ZNF423: variants seen among roughly 807,000 people sequenced by gnomAD.
The protein encoded by ZNF423 is zinc finger protein 423.
ZNF423 carries 12 observed loss-of-function variants against 95.8 expected under a neutral mutation model. The ratio of observed to expected loss-of-function variants is 0.13; its 90% CI spans 0.08 to 0.20. The LOEUF is 0.20. ZNF423 is among the 10% of genes least tolerant of loss of function. The pLI is 1.00. For synonymous variants in ZNF423, 749 were observed against 711.9 expected (o/e 1.05, Z -0.83); for missense variants, 1,316 against 1,737.1 (o/e 0.76, Z 4.31).
chr16:49,756,689 A>G (rs912342334), intron 2 of ZNF423, among the ~76,000 whole-genome samples: 3 of 152,202 alleles, frequency 2.0e-5, no homozygotes, highest in African/African-American at 7.2e-5. Context: ...TCTCACCTGC[A>G]TGGAAAGGAG....
At chr16:49,685,890 C>A (rs1483813367) in intron 3 of ZNF423, among the ~76,000 whole-genome samples, 1 of 152,232 alleles carries the variant, frequency 6.6e-6, no homozygotes, top group African/African-American at 2.4e-5. Flanking sequence ...CACGCTCCCC[C>A]ATGCTGCCTA....
In ZNF423 at chr16:49,762,143, G is replaced by A. The variant is rs1022674899; in HGVS notation, c.100+27344C>T. 5.9e-5 allele frequency among the ~76,000 whole-genome samples: 9 copies of A among 152,306 alleles called. 1 individual carries two copies. Among genetic ancestry groups the A allele is most frequent in the Admixed American group, 5.9e-4 (9 of 15,300 alleles). ...CATATTTAAAAGCTGCTCAGCAAAG[G>A]CGTTGAGGCCCAGCAGGCTGAGCCT... On this transcript the variant is annotated intron_variant, in intron 2 of 7. Coordinates refer to ENST00000563137, the MANE Select transcript of ZNF423 (RefSeq NM_001379286.1).
intron 2 of ZNF423, among the ~76,000 whole-genome samples, chr16:49,765,257 T>C (rs549400682): frequency 8.5e-5 from 13 of 152,134 alleles, no homozygotes; most frequent in African/African-American, 1.9e-4. Flanking sequence ...GGAGTTTGTG[T>C]TTTAATGGGA....
chr16:49,750,445 C>T (rs1206535524), intron 2 of ZNF423, among the ~76,000 whole-genome samples: 3 of 152,206 alleles, frequency 2.0e-5, no homozygotes, highest in Admixed American at 1.3e-4. Context: ...TGGGAGGTAC[C>T]TTCCTCTCTT....
At chr16:49,626,462 G>C (rs548458347) in intron 4 of ZNF423, among the ~76,000 whole-genome samples, 1 of 152,176 alleles carries the variant, frequency 6.6e-6, no homozygotes, top group East Asian at 1.9e-4. Context: ...CAAGGGAGCT[G>C]CTTCTCTGCT....
chr16:49,673,154 C>A (rs1028461527), intron 3 of ZNF423, among the ~76,000 whole-genome samples: 38 of 152,330 alleles, frequency 2.5e-4, no homozygotes, highest in African/African-American at 7.9e-4. Context: ...CTAAACACAG[C>A]CCCAGGCCAG....
chr16:49,547,586 T>C (rs1170061196), intron 5 of ZNF423, among the ~76,000 whole-genome samples: 2 of 152,162 alleles, frequency 1.3e-5, no homozygotes, highest in African/African-American at 4.8e-5. Flanking sequence ...ACTCCCTGGG[T>C]CAGCTCCACA....
intron 3 of ZNF423, chr16:49,664,303 G>C (rs560015482): frequency 1.0e-6 from 1 of 985,794 alleles, no homozygotes; most frequent in Non-Finnish European, 1.2e-6. Context: ...TGCTGCTCCC[G>C]CGGCGGCGCT....
chr16:49,499,198 C>CA (rs1967286340), intron 7 of ZNF423, among the ~76,000 whole-genome samples: 1 of 152,242 alleles, frequency 6.6e-6, no homozygotes, highest in African/African-American at 2.4e-5. Flanking sequence ...TGGCCTTGGA[C>CA]AAAGCCCTGA....
chr16:49,493,103 C>T (rs1339131761), intron 7 of ZNF423, among the ~76,000 whole-genome samples: 2 of 152,100 alleles, frequency 1.3e-5, no homozygotes, highest in African/African-American at 2.4e-5. Context: ...CATGGGAACC[C>T]GCACCCTCCA....
At chr16:49,599,418 T>C (rs901324700) in intron 5 of ZNF423, among the ~76,000 whole-genome samples, 17 of 152,214 alleles carry the variant, frequency 1.1e-4, no homozygotes, top group African/African-American at 4.1e-4. Context: ...TGACCATAGA[T>C]TCCTTAATCC....
At chr16:49,821,042 CTTTTATTT>C (rs2034932176) in intron 1 of ZNF423, among the ~76,000 whole-genome samples, 1 of 152,194 alleles carries the variant, frequency 6.6e-6, no homozygotes, top group Non-Finnish European at 1.5e-5. Context: ...AAGCTAGACT[CTTTTATTT>C]GCATTGGAGG....
intron 3 of ZNF423, among the ~76,000 whole-genome samples, chr16:49,673,123 A>G (rs1376493666): frequency 2.6e-5 from 4 of 152,184 alleles, no homozygotes; most frequent in African/African-American, 9.7e-5. Flanking sequence ...TGCACAGATC[A>G]TTTTACCCAC....
chr16:49,607,534 A>C (rs780275343), intron 5 of ZNF423, among the ~76,000 whole-genome samples: 4 of 152,226 alleles, frequency 2.6e-5, no homozygotes, highest in Non-Finnish European at 5.9e-5. Context: ...GATTTCAATC[A>C]GCCCCTGCAG....
chr16:49,733,727 G>T (rs2033222296), intron 2 of ZNF423, among the ~76,000 whole-genome samples: 1 of 152,116 alleles, frequency 6.6e-6, no homozygotes, highest in African/African-American at 2.4e-5. Context: ...CCTCAGGGAG[G>T]TGACACAAGA....
intron 5 of ZNF423, among the ~76,000 whole-genome samples, chr16:49,574,760 T>C (rs1040887904): frequency 6.6e-6 from 1 of 152,022 alleles, no homozygotes; most frequent in African/African-American, 2.4e-5. Flanking sequence ...GCTTTCCCTC[T>C]CTCCTGGAGC....
At chr16:49,536,212 T>G (rs1170109535) in intron 5 of ZNF423, among the ~76,000 whole-genome samples, 2 of 152,050 alleles carry the variant, frequency 1.3e-5, no homozygotes, top group Non-Finnish European at 2.9e-5. Flanking sequence ...TTACTAGTAC[T>G]CAAAGCAAAA....
chr16:49,837,423 C>A (rs1019920874), intron 1 of ZNF423, among the ~76,000 whole-genome samples: 1 of 152,216 alleles, frequency 6.6e-6, no homozygotes, highest in Non-Finnish European at 1.5e-5. Flanking sequence ...GCCTCTGGAA[C>A]CACACAGTGC....
At chr16:49,681,097 G>C (rs922772267) in intron 3 of ZNF423, among the ~76,000 whole-genome samples, 1 of 152,170 alleles carries the variant, frequency 6.6e-6, no homozygotes, top group Non-Finnish European at 1.5e-5. Context: ...CAACAGGCTC[G>C]CCCAAACTCG....
Sources: allele counts gnomAD v4.1 joint callset (sites outside exome capture counted in the v4.1 genomes callset), GRCh38; gene constraint gnomAD v4.1.1; transcripts MANE v1.5; gene names NCBI Gene and HGNC (gene_info 2026-07-23, HGNC 2026-07-21).